GCNT1: variants seen among roughly 807,000 people sequenced by gnomAD.
The protein encoded by GCNT1 is glucosaminyl (N-acetyl) transferase 1, also known as beta-1,3-galactosyl-O-glycosyl-glycoprotein beta-1,6-N-acetylglucosaminyltransferase.
GCNT1 carries 16 observed loss-of-function variants against 26.2 expected under a neutral mutation model. The observed-to-expected ratio is 0.61, with a 90% CI of 0.41 to 0.93. The LOEUF (loss-of-function observed/expected upper bound fraction) is 0.93. GCNT1 is among the 40% of genes least tolerant of loss of function. The pLI, the probability that GCNT1 is intolerant of heterozygous loss-of-function variation, is 0.00. For missense variants in GCNT1, 477 were observed against 526.7 expected (o/e 0.91, Z 0.92); for synonymous variants, 183 against 190.8 (o/e 0.96, Z 0.34).
upstream of GCNT1, among the ~76,000 whole-genome samples, chr9:76,440,905 A>T (rs1381771699): frequency 6.6e-6 from 1 of 151,764 alleles, no homozygotes; most frequent in Non-Finnish European, 1.5e-5. Flanking sequence ...CTCTACTAAA[A>T]ATACAAAAAT....
chr9:76,462,633 G>T (rs959637156), intron 2 of GCNT1, among the ~76,000 whole-genome samples: 4 of 152,180 alleles, frequency 2.6e-5, no homozygotes, highest in Admixed American at 6.5e-5. Context: ...ATTTAAGATG[G>T]TCTAAATGTT....
At chr9:76,402,811 C>T in the GCNT1 span, among the ~76,000 whole-genome samples, 2 of 152,034 alleles carry the variant, frequency 1.3e-5, no homozygotes, top group African/African-American at 2.4e-5. Flanking sequence ...TCCTGAGTAG[C>T]TGGCATTACA....
Position 76,507,400 on chromosome 9 carries a change from A to G in GCNT1, c.*3732A>G, listed in dbSNP as rs1283963381. ...ATCAGTTCATATCACCATTAAAATCATCCATTCAGAAACCAAGGCCTTGTC... is the reference window on the plus strand; with the variant it reads ...ATCAGTTCATATCACCATTAAAATCGTCCATTCAGAAACCAAGGCCTTGTC... On this transcript the variant is annotated 3_prime_UTR_variant, in exon 4 of 4. Coordinates refer to ENST00000376730, the MANE Select transcript of GCNT1 (RefSeq NM_001490.5). 1 of 166,666 alleles carries G rather than the reference A, an allele frequency of 6.0e-6. No homozygotes were observed. The highest frequency in any genetic ancestry group is 1.5e-5 in the Non-Finnish European group (1 of 68,124). The allele number at this position is 166,666 out of a possible 1,614,324, so 10.3% of individuals were successfully genotyped here. A position where few individuals can be genotyped will look rare whatever the true frequency, so the allele number is the denominator to read the frequency against.
At chr9:76,416,291 C>A (rs892778968), upstream of GCNT1, among the ~76,000 whole-genome samples, 1 of 152,168 alleles carries the variant, frequency 6.6e-6, no homozygotes, top group African/African-American at 2.4e-5. Flanking sequence ...AGCTGCCCAT[C>A]CCACTAAGAG....
upstream of GCNT1, among the ~76,000 whole-genome samples, chr9:76,457,236 T>G (rs1172731586): frequency 1.3e-5 from 2 of 152,156 alleles, no homozygotes; most frequent in African/African-American, 4.8e-5. Context: ...CAGCTATATT[T>G]TATTTTTAAT....
chr9:76,469,660 C>G (rs564542371), intron 2 of GCNT1, among the ~76,000 whole-genome samples: 79 of 152,342 alleles, frequency 5.2e-4, no homozygotes, highest in African/African-American at 1.8e-3. Context: ...TTCCATCCCT[C>G]TGGATCAGGC....
chr9:76,480,953 A>T (rs1274476889), intron 2 of GCNT1, among the ~76,000 whole-genome samples: 4 of 152,068 alleles, frequency 2.6e-5, no homozygotes, highest in Non-Finnish European at 1.5e-5. Context: ...CAGAAAAAAA[A>T]AATAGCTGGG....
chr9:76,438,158 C>G (rs1251680306), upstream of GCNT1, among the ~76,000 whole-genome samples: 3 of 152,208 alleles, frequency 2.0e-5, no homozygotes, highest in Non-Finnish European at 4.4e-5. Context: ...TGACATGTGC[C>G]CAAGGTGGTT....
chr9:76,478,193 G>GT (rs2131612140), intron 2 of GCNT1, among the ~76,000 whole-genome samples: 1 of 152,286 alleles, frequency 6.6e-6, no homozygotes, highest in South Asian at 2.1e-4. Flanking sequence ...TCCATGTAGT[G>GT]GAAACTTGGT....
At chr9:76,399,920 A>G in the GCNT1 span, among the ~76,000 whole-genome samples, 23 of 152,346 alleles carry the variant, frequency 1.5e-4, no homozygotes, top group South Asian at 6.2e-4. Flanking sequence ...CTATCAAGCC[A>G]CAAAAAGACC....
At chr9:76,398,631 C>T in the GCNT1 span, 2 of 879,124 alleles carry the variant, frequency 2.3e-6, no homozygotes, top group African/African-American at 1.7e-5. Flanking sequence ...GCTTTCCGCG[C>T]TACCTACAGA....
At chr9:76,394,675 T>G in the GCNT1 span, among the ~76,000 whole-genome samples, 2 of 152,034 alleles carry the variant, frequency 1.3e-5, no homozygotes, top group Non-Finnish European at 2.9e-5. Context: ...CGATGGGAAC[T>G]AATGTGGAAA....
chr9:76,494,524 A>C (rs1470055393), intron 2 of GCNT1, among the ~76,000 whole-genome samples: 2 of 152,202 alleles, frequency 1.3e-5, no homozygotes, highest in East Asian at 3.9e-4. Context: ...TAGCTTCAGG[A>C]GTAGCTTTTG....
At position 76,461,582 on chromosome 9, in the gene GCNT1, C is replaced by CA. The variant is rs932569597; in HGVS notation, c.-290+1416dup. On this transcript the variant is annotated intron_variant, in intron 2 of 3. Transcript: ENST00000376730. ...TGGGTGACAGAGCGAGAGTCTGTCTCAAAAAAAAAAACACACACAAAGAGC... is the reference window on the plus strand; with the variant it reads ...TGGGTGACAGAGCGAGAGTCTGTCTCAAAAAAAAAAAACACACACAAAGAGC... Among the ~76,000 whole-genome samples the CA allele has an allele frequency of 2.7e-3, 359 of 132,054 alleles. 1 individual carries two copies. The highest frequency in any genetic ancestry group is 8.6e-3 in the East Asian group (39 of 4,528). The allele number at this position is 132,054 out of a possible 152,430, so 86.6% of individuals were successfully genotyped here. A position where few individuals can be genotyped will look rare whatever the true frequency, so the allele number is the denominator to read the frequency against.
intron 1 of GCNT1, among the ~76,000 whole-genome samples, chr9:76,426,690 G>A (rs1293069162): frequency 6.6e-6 from 1 of 152,184 alleles, no homozygotes; most frequent in Non-Finnish European, 1.5e-5. Flanking sequence ...GAGGTCAGGA[G>A]TTTGAGACCA....
intron 2 of GCNT1, among the ~76,000 whole-genome samples, chr9:76,490,981 G>A (rs188073243): frequency 1.2e-4 from 18 of 152,384 alleles, no homozygotes; most frequent in African/African-American, 3.8e-4. Flanking sequence ...CAACAAGGTG[G>A]TACTGGAGTG....
the GCNT1 span, among the ~76,000 whole-genome samples, chr9:76,402,162 G>A: frequency 2.0e-5 from 3 of 152,126 alleles, no homozygotes; most frequent in Non-Finnish European, 4.4e-5. Flanking sequence ...CTGCCACTAG[G>A]TAAACAGAGG....
At chr9:76,486,881 GC>G (rs913778398) in intron 2 of GCNT1, among the ~76,000 whole-genome samples, 15 of 152,054 alleles carry the variant, frequency 9.9e-5, no homozygotes, top group Admixed American at 6.6e-4. Flanking sequence ...TTCGAGACCA[GC>G]CTGGCCACAA....
chr9:76,412,607 T>G, the GCNT1 span, among the ~76,000 whole-genome samples: 1 of 152,254 alleles, frequency 6.6e-6, no homozygotes. Context: ...TAGTGATTTC[T>G]TACAATTTTA....
Sources: allele counts gnomAD v4.1 joint callset (sites outside exome capture counted in the v4.1 genomes callset), GRCh38; gene constraint gnomAD v4.1.1; transcripts MANE v1.5; gene names NCBI Gene and HGNC (gene_info 2026-07-23, HGNC 2026-07-21).